Variants in LYPD5 observed in about 807,000 individuals in gnomAD.
The protein encoded by LYPD5 is ly6/PLAUR domain-containing protein 5.
Under a neutral mutation model 19.1 loss-of-function variants are expected in LYPD5, and 21 were observed. That is an observed-to-expected ratio of 1.10 (90% CI 0.78 to 1.58). The LOEUF (loss-of-function observed/expected upper bound fraction) is 1.58. Among genes scored for constraint, LYPD5 ranks in the 40% most tolerant of loss-of-function variants. The pLI is 0.00. For synonymous variants in LYPD5, 128 were observed against 142.7 expected (o/e 0.90, Z 0.74); for missense variants, 287 against 329.8 (o/e 0.87, Z 1.00).
chr19:43,802,663 T>C (rs1237545370), upstream of LYPD5, among the ~76,000 whole-genome samples: 1 of 152,102 alleles, frequency 6.6e-6, no homozygotes, highest in Non-Finnish European at 1.5e-5. Flanking sequence ...CCTTCACCCC[T>C]CCCAGCACTC....
rs1476469623 is a variant in LYPD5 at position 43,812,362 on chromosome 19, TATCTATCTATCTATCAATCTATC to T, written c.-66+8155_-66+8177del. 1.5e-3 allele frequency among the ~76,000 whole-genome samples: 210 copies of T among 141,994 alleles called. 2 individuals carry two copies. Among genetic ancestry groups the T allele is most frequent in the South Asian group, 8.0e-3 (36 of 4,488 alleles). The allele number at this position is 141,994 out of a possible 152,430, so 93.2% of individuals were successfully genotyped here. On this transcript the variant is annotated intron_variant, in intron 1 of 4. Coordinates refer to the LYPD5 transcript ENST00000414615. Reference sequence around the variant, plus strand: ...CTATCTATCTATCTATCTATCTATCTATCTATCTATCTATCAATCTATCATCTATCTATCCATCCATCCAGCTA... The same window carrying T: ...CTATCTATCTATCTATCTATCTATCTATCTATCTATCCATCCATCCAGCTA...
chr19:43,819,097 A>C (rs535046273), intron 1 of LYPD5, among the ~76,000 whole-genome samples: 2 of 152,214 alleles, frequency 1.3e-5, no homozygotes, highest in African/African-American at 4.8e-5. Flanking sequence ...TATCTCAGAA[A>C]TGGATCACTT....
rs1312051847 is a variant in LYPD5, at chr19:43,802,385, GAGCTGGGCC to G, written c.-14_-6del. The G allele has an allele frequency of 3.9e-6, 6 of 1,551,396 alleles. No homozygotes were observed. The highest frequency in any genetic ancestry group is 5.2e-6 in the Non-Finnish European group (6 of 1,146,902). The stretch of plus-strand genomic sequence containing the variant: ...TCTGGGGACCCCCATTGCCATTGCT[GAGCTGGGCC>G]ACCTGGGACAGCTCCTCCCGCTGTG... On this transcript the variant is annotated 5_prime_UTR_variant, in exon 1 of 5. Coordinates refer to ENST00000377950, the MANE Select transcript of LYPD5 (RefSeq NM_001031749.3).
chr19:43,797,579 T>C lies in LYPD5; in HGVS notation c.*12A>G. 6.3e-7 allele frequency: 1 copy of C among 1,575,694 alleles called. No individual in the cohort carries two copies. The highest frequency in any genetic ancestry group is 8.7e-7 in the Non-Finnish European group (1 of 1,154,420). Reference sequence around the variant, plus strand: ...TGTGTGAGCCCTGTCCCCAGCATCCTGGAGGGGCGGTCTATGCTGAGAGCC... The same window carrying C: ...TGTGTGAGCCCTGTCCCCAGCATCCCGGAGGGGCGGTCTATGCTGAGAGCC... On this transcript the variant is annotated 3_prime_UTR_variant, in exon 5 of 5. Transcript: ENST00000377950.
At chr19:43,812,965 G>A (rs774391809) in intron 1 of LYPD5, among the ~76,000 whole-genome samples, 6 of 152,150 alleles carry the variant, frequency 3.9e-5, no homozygotes, top group Non-Finnish European at 8.8e-5. Context: ...CTTCCACCCA[G>A]GCCCTGTTTT....
At chr19:43,798,643 T>G in intron 3 of LYPD5, 42 bp from the exon 4 acceptor site, 1 of 1,609,022 alleles carries the variant, frequency 6.2e-7, no homozygotes, top group Non-Finnish European at 8.5e-7. Context: ...AGTGGTACCC[T>G]GGCACAGTCG....
chr19:43,799,057 C>T (rs1266878098), intron 2 of LYPD5, 69 bp from the exon 3 acceptor site: 1 of 1,481,084 alleles, frequency 6.8e-7, no homozygotes. Context: ...AGCGTTCTTC[C>T]TCCTCCCTCT....
In LYPD5 at chr19:43,796,679, T is replaced by C. The variant is rs1395610317; in HGVS notation, c.*912A>G. 6.6e-6 allele frequency: 1 copy of C among 152,182 alleles called. No individual in the cohort carries two copies. Among genetic ancestry groups the C allele is most frequent in the African/African-American group, 2.4e-5 (1 of 41,434 alleles). The allele number at this position is 152,182 out of a possible 1,614,324, so 9.4% of individuals were successfully genotyped here. A position where few individuals can be genotyped will look rare whatever the true frequency, so the allele number is the denominator to read the frequency against. The stretch of plus-strand genomic sequence containing the variant: ...GCTTAGCAGTTCGTGGGGCTGGGAA[T>C]CTGGTCCCTGAATCCATACTCACTA... On this transcript the variant is annotated 3_prime_UTR_variant, in exon 5 of 5. Coordinates refer to ENST00000377950, the MANE Select transcript of LYPD5 (RefSeq NM_001031749.3).
In LYPD5 at chr19:43,799,769, T is replaced by C; in HGVS notation, c.130A>G (p.Met44Val). The C allele has an allele frequency of 2.5e-6, 4 of 1,613,972 alleles. No individual in the cohort carries two copies. Among genetic ancestry groups the C allele is most frequent in the Non-Finnish European group, 3.4e-6 (4 of 1,179,946 alleles). ...TYFGPFDLRA[M>V]KLPSISCPHE... ...GGACAGGAGATGCTGGGCAGCTTCATGGCCCTGAGGTCAAAGGGGCCAAAG... is the reference window on the plus strand; with the variant it reads ...GGACAGGAGATGCTGGGCAGCTTCACGGCCCTGAGGTCAAAGGGGCCAAAG... The change falls in exon 2 of 5, where the codon ATG becomes GTG. Residue 44 changes from methionine to valine, a missense_variant. By Grantham distance (21) the Met-to-Val change is conservative. Coordinates refer to ENST00000377950, the MANE Select transcript of LYPD5 (RefSeq NM_001031749.3).
rs146241885 is a variant in LYPD5, at chr19:43,799,847, G to C, written c.65-13C>G. ...AGGGCTTGGGACCCTGGGGAGAGAG[G>C]CGTGGCAGAGTCAGCAGGGCCAGTG... On this transcript the variant is annotated splice_polypyrimidine_tract_variant and intron_variant, in intron 1 of 4. Transcript: ENST00000377950. The C allele has an allele frequency of 5.0e-4, 800 of 1,603,468 alleles. 1 individual carries two copies. Among genetic ancestry groups the C allele is most frequent in the Non-Finnish European group, 6.4e-4 (755 of 1,175,180 alleles).
upstream of LYPD5, among the ~76,000 whole-genome samples, chr19:43,802,741 C>T (rs1568404378): frequency 6.6e-6 from 1 of 152,084 alleles, no homozygotes; most frequent in African/African-American, 2.4e-5. Context: ...CCAACACACA[C>T]CACCCACACA....
Position 43,819,374 on chromosome 19 carries a change from C to A in LYPD5, c.-66+1166G>T, listed in dbSNP as rs558255167. Among the ~76,000 whole-genome samples the A allele has an allele frequency of 3.3e-5, 5 of 150,862 alleles. No homozygotes were observed. The South Asian group carries it at 6.3e-4, about 19-fold the overall frequency. On this transcript the variant is annotated intron_variant, in intron 1 of 4. Coordinates refer to the LYPD5 transcript ENST00000414615. ...ATCTCAGCTCACTGCAATCTCCACC[C>A]CCAGGGTTCAAGCGAGTCTCCTGCC... is the stretch of plus-strand genomic sequence containing the variant.
In LYPD5 at chr19:43,802,331, G is replaced by A. The variant is rs1320626960; in HGVS notation, c.50C>T (p.Ala17Val). The A allele has an allele frequency of 3.2e-6, 5 of 1,551,600 alleles. No homozygotes were observed. The highest frequency in any genetic ancestry group is 1.4e-5 in the African/African-American group (1 of 73,138). Residue 17 changes from alanine (A) to valine (V), a missense_variant, in exon 1 of 5, where the codon GCG becomes GTG. By Grantham distance (64) the Ala-to-Val change is moderately conservative. Coordinates refer to ENST00000377950, the MANE Select transcript of LYPD5 (RefSeq NM_001031749.3). ...RVILLCLFGAALCLTGSQALQ... is the reference protein window; with the variant it reads ...RVILLCLFGAVLCLTGSQALQ... The stretch of plus-strand genomic sequence containing the variant: ...AGTTTGCGTACCTGTCAGGCAGAGC[G>A]CAGCCCCAAAGAGGCAGAGCAGAAT...
chr19:43,818,215 T>C (rs535892623), intron 1 of LYPD5, among the ~76,000 whole-genome samples: 19 of 152,272 alleles, frequency 1.2e-4, no homozygotes, highest in African/African-American at 4.6e-4. Context: ...ACAAGGATCT[T>C]GAGGGTCTCT....
Position 43,810,225 on chromosome 19 carries a change from T to C in LYPD5, c.-66+10315A>G, listed in dbSNP as rs370482638. ...ATCCATTTTACTTTTTCCTCTCCAA[T>C]CTTTATGCCTTTTTTTTCTTTTTCT... On this transcript the variant is annotated intron_variant, in intron 1 of 4. Transcript: ENST00000414615. Among the ~76,000 whole-genome samples the C allele has an allele frequency of 2.3e-3, 356 of 152,222 alleles. 7 individuals are homozygous for C. In the South Asian group the frequency reaches 0.03, roughly 13 times the overall value.
Position 43,798,795 on chromosome 19 carries a change from C to T in LYPD5, c.370+17G>A, listed in dbSNP as rs779609068. On this transcript the variant is annotated intron_variant, in intron 3 of 4. Transcript: ENST00000377950. The stretch of plus-strand genomic sequence containing the variant: ...CTCATCGTCCCTCCCGGAGCCCAGC[C>T]CCGCTCTCCCGCGCACCTTGGCTCA... 10 of 1,598,450 alleles carry T rather than the reference C, an allele frequency of 6.3e-6. No homozygotes were observed. The highest frequency in any genetic ancestry group is 1.3e-5 in the African/African-American group (1 of 74,758).
At chr19:43,815,814 T>C (rs1457131530) in intron 1 of LYPD5, 3 of 357,914 alleles carry the variant, frequency 8.4e-6, no homozygotes, top group African/African-American at 4.3e-5. Context: ...CTCAGCTCAC[T>C]GCAACCTCTG....
chr19:43,817,195 T>G (rs1970381716), intron 1 of LYPD5, among the ~76,000 whole-genome samples: 1 of 152,138 alleles, frequency 6.6e-6, no homozygotes, highest in African/African-American at 2.4e-5. Context: ...CAGGCCTCAC[T>G]CAAAGTTCTA....
Position 43,801,760 on chromosome 19 carries a change from C to A in LYPD5, c.64+557G>T, listed in dbSNP as rs181023397. 5.3e-5 allele frequency among the ~76,000 whole-genome samples: 8 copies of A among 152,310 alleles called. No homozygotes were observed. In the East Asian group the frequency reaches 1.2e-3, roughly 22 times the overall value. On this transcript the variant is annotated intron_variant, in intron 1 of 4. Coordinates refer to ENST00000377950, the MANE Select transcript of LYPD5 (RefSeq NM_001031749.3). ...GACACATACAGAAATCAAACTCTCT[C>A]CCATTAAGGAGCAGAAACACACAGA...
Sources: allele counts gnomAD v4.1 joint callset (sites outside exome capture counted in the v4.1 genomes callset), GRCh38; gene constraint gnomAD v4.1.1; transcripts MANE v1.5; gene names NCBI Gene and HGNC (gene_info 2026-07-23, HGNC 2026-07-21).